Variants in AGBL1 observed in about 807,000 individuals in gnomAD.
AGBL1 encodes the protein AGBL carboxypeptidase 1.
AGBL1 carries 130 observed loss-of-function variants against 118.9 expected under a neutral mutation model. The ratio of observed to expected loss-of-function variants is 1.09; its 90% CI spans 0.95 to 1.26. AGBL1 has a LOEUF of 1.26. Ranked by LOEUF, AGBL1 falls within the 50% of genes most tolerant of loss-of-function variation. The pLI, the probability that AGBL1 is intolerant of heterozygous loss-of-function variation, is 0.00. For missense variants in AGBL1, 1,584 were observed against 1,298.1 expected, an observed-to-expected ratio of 1.22 and a Z score of -3.38; for synonymous variants, 555 against 478.9, an observed-to-expected ratio of 1.16 and a Z score of -2.08.
Position 86,232,374 on chromosome 15 carries a change from G to A in AGBL1, c.526+7423G>A, listed in dbSNP as rs115195451. Reference sequence around the variant, plus strand: ...CTGTTCTTTTAGTTATCTTGGCCGCGCTAGTCCAATATTTATTTTCAGTGA... The same window carrying A: ...CTGTTCTTTTAGTTATCTTGGCCGCACTAGTCCAATATTTATTTTCAGTGA... On this transcript the variant is annotated intron_variant, in intron 6 of 22. Coordinates refer to ENST00000614907, the MANE Select transcript of AGBL1 (RefSeq NM_001386094.1). Among the ~76,000 whole-genome samples, 517 of 152,252 alleles carry A rather than the reference G, an allele frequency of 3.4e-3. 2 individuals are homozygous for A. Among genetic ancestry groups the A allele is most frequent in the African/African-American group, 0.012 (504 of 41,534 alleles).
intron 18 of AGBL1, among the ~76,000 whole-genome samples, chr15:86,457,548 G>A (rs2082276656): frequency 6.6e-6 from 1 of 152,120 alleles, no homozygotes; most frequent in Admixed American, 6.6e-5. Context: ...AGGAAAGTAT[G>A]ATTAGAGCAT....
rs371939131 is a variant in AGBL1 at position 86,425,499 on chromosome 15, T to A, written c.2555+27953T>A. On this transcript the variant is annotated intron_variant, in intron 18 of 22. Transcript: ENST00000614907. ...CATGTGTATACCTATGTAACAAACC[T>A]GAATGTTCTGAACATGTATCCCAGA... Among the ~76,000 whole-genome samples, 73 of 152,168 alleles carry A rather than the reference T, an allele frequency of 4.8e-4. No individual in the cohort carries two copies. The South Asian group carries it at 6.2e-3, about 13-fold the overall frequency.
chr15:86,692,405 A>T (rs1469521707), intron 22 of AGBL1, among the ~76,000 whole-genome samples: 2 of 152,024 alleles, frequency 1.3e-5, no homozygotes, highest in Non-Finnish European at 2.9e-5. Flanking sequence ...TATCACCCTT[A>T]GTGAGGAAGA....
Position 86,253,219 on chromosome 15 carries a change from AG to A in AGBL1, c.736-3631del, listed in dbSNP as rs972869581. 9.2e-5 allele frequency among the ~76,000 whole-genome samples: 14 copies of A among 152,212 alleles called. 1 individual carries two copies. Among genetic ancestry groups the A allele is most frequent in the Admixed American group, 7.9e-4 (12 of 15,280 alleles). On this transcript the variant is annotated intron_variant, in intron 7 of 22. Coordinates refer to ENST00000614907, the MANE Select transcript of AGBL1 (RefSeq NM_001386094.1). The stretch of plus-strand genomic sequence containing the variant: ...CATTTAGAGTTCCTTGAACTATGAT[AG>A]GGACTTTGAATTTTACTTCCATCAA...
At chr15:86,181,680 TAA>T (rs2077554925) in intron 5 of AGBL1, among the ~76,000 whole-genome samples, 1 of 152,006 alleles carries the variant, frequency 6.6e-6, no homozygotes, top group Non-Finnish European at 1.5e-5. Flanking sequence ...ATGCCAATAA[TAA>T]GTCAATACAT....
intron 6 of AGBL1, among the ~76,000 whole-genome samples, chr15:86,227,507 C>T (rs531924223): frequency 2.3e-4 from 35 of 152,330 alleles, no homozygotes; most frequent in African/African-American, 7.9e-4. Flanking sequence ...TGGCCTCTAC[C>T]CACCAGACGC....
In AGBL1 at chr15:86,271,646, A is replaced by AGGAG; in HGVS notation, c.2017_2020dup (p.Ala674GlyfsTer15). ...ATGCAGCCCACCCTATATTCTGTGA[A>AGGAG]GGAGGCTCTTCTTGGCAAACCCACC... On this transcript the variant is annotated frameshift_variant, in exon 15 of 23. Transcript: ENST00000614907. LOFTEE classifies it high-confidence loss of function. 6.2e-7 allele frequency: 1 copy of AGGAG among 1,612,918 alleles called. No homozygotes were observed. The highest frequency in any genetic ancestry group is 8.5e-7 in the Non-Finnish European group (1 of 1,178,978).
At chr15:86,696,771 A>C (rs1190279591) in intron 22 of AGBL1, among the ~76,000 whole-genome samples, 3 of 151,832 alleles carry the variant, frequency 2.0e-5, no homozygotes, top group Admixed American at 2.0e-4. Context: ...TCCTTTTAGC[A>C]GTTCTTGTAG....
chr15:86,405,313 C>T (rs1461242907), intron 18 of AGBL1, among the ~76,000 whole-genome samples: 1 of 151,678 alleles, frequency 6.6e-6, no homozygotes, highest in Non-Finnish European at 1.5e-5. Context: ...AGATTGAGAC[C>T]ATCCTGGCTA....
chr15:86,189,969 A>G lies in AGBL1; in HGVS notation c.488+30943A>G, dbSNP rs373905738. 1.5e-3 allele frequency among the ~76,000 whole-genome samples: 226 copies of G among 152,312 alleles called. 3 individuals are homozygous for G. In the South Asian group the frequency reaches 0.045, roughly 30 times the overall value. On this transcript the variant is annotated intron_variant, in intron 5 of 22. Coordinates refer to ENST00000614907, the MANE Select transcript of AGBL1 (RefSeq NM_001386094.1). ...GACAAAGTAATGTTACATTTGCTAT[A>G]TAGTTTTGCCTACATAAAAGAAGGA... is the stretch of plus-strand genomic sequence containing the variant.
intron 17 of AGBL1, among the ~76,000 whole-genome samples, chr15:86,352,696 G>T (rs528146162): frequency 6.6e-6 from 1 of 152,048 alleles, no homozygotes; most frequent in Non-Finnish European, 1.5e-5. Context: ...TGGCCAGGCT[G>T]GTCTCGAACT....
chr15:86,365,587 C>A (rs1193816473), intron 17 of AGBL1, among the ~76,000 whole-genome samples: 1 of 152,162 alleles, frequency 6.6e-6, no homozygotes, highest in Non-Finnish European at 1.5e-5. Flanking sequence ...TTCTTACATT[C>A]TCTCTCTATA....
At chr15:86,520,253 G>T (rs1301388955) in intron 18 of AGBL1, among the ~76,000 whole-genome samples, 2 of 152,200 alleles carry the variant, frequency 1.3e-5, no homozygotes, top group African/African-American at 4.8e-5. Context: ...CATGCACACA[G>T]ACATAGGTAG....
chr15:86,837,666 G>A (rs1371886575), intron 22 of AGBL1, among the ~76,000 whole-genome samples: 1 of 152,180 alleles, frequency 6.6e-6, no homozygotes, highest in Admixed American at 6.5e-5. Context: ...CAAAATGTCA[G>A]GGGGAGAAAT....
At chr15:86,466,193 T>C (rs1446570763) in intron 18 of AGBL1, among the ~76,000 whole-genome samples, 1 of 152,230 alleles carries the variant, frequency 6.6e-6, no homozygotes, top group East Asian at 1.9e-4. Flanking sequence ...TTTGTTCCTT[T>C]TCATTCTTTT....
intron 23 of AGBL1, among the ~76,000 whole-genome samples, chr15:86,954,856 T>G (rs2080914684): frequency 6.6e-6 from 1 of 152,204 alleles, no homozygotes; most frequent in South Asian, 2.1e-4. Flanking sequence ...CTTTCTGAAT[T>G]TTAATTGAAT....
At chr15:86,621,299 T>A (rs2142411072) in intron 21 of AGBL1, among the ~76,000 whole-genome samples, 1 of 152,350 alleles carries the variant, frequency 6.6e-6, no homozygotes, top group African/African-American at 2.4e-5. Flanking sequence ...CTGGTTCAAG[T>A]CCTTGCTCTG....
intron 15 of AGBL1, among the ~76,000 whole-genome samples, chr15:86,274,483 A>G (rs1343039666): frequency 2.0e-5 from 3 of 152,190 alleles, no homozygotes; most frequent in Admixed American, 6.5e-5. Flanking sequence ...TGTGAGGTTT[A>G]GTTTAATTTA....
At chr15:86,314,846 G>T (rs1297355306) in intron 17 of AGBL1, among the ~76,000 whole-genome samples, 2 of 152,182 alleles carry the variant, frequency 1.3e-5, no homozygotes, top group Non-Finnish European at 2.9e-5. Context: ...TCAAGGGCAT[G>T]TTTTCCAGGA....
Sources: allele counts gnomAD v4.1 joint callset (sites outside exome capture counted in the v4.1 genomes callset), GRCh38; gene constraint gnomAD v4.1.1; transcripts MANE v1.5; gene names NCBI Gene and HGNC (gene_info 2026-07-23, HGNC 2026-07-21).